Variants in FOXP2 observed in about 807,000 individuals in gnomAD.
FOXP2 encodes forkhead box P2.
A neutral mutation model predicts 115.8 loss-of-function variants in FOXP2; 12 were observed. The ratio of observed to expected loss-of-function variants is 0.10; its 90% confidence interval spans 0.07 to 0.17. FOXP2 has a LOEUF of 0.17. Ranked by LOEUF, FOXP2 falls within the 10% of genes least tolerant of loss-of-function variation. The pLI is 1.00. For missense variants in FOXP2, 629 were observed against 843.5 expected (o/e 0.75, Z 3.15); for synonymous variants, 328 against 297.7 (o/e 1.10, Z -1.05).
chr7:114,122,238 A>C (rs1286335843), intron 1 of FOXP2, among the ~76,000 whole-genome samples: 1 of 152,092 alleles, frequency 6.6e-6, no homozygotes, highest in Admixed American at 6.6e-5. Flanking sequence ...TGAATGCTTC[A>C]GTTGTTTGAA....
chr7:114,190,327 C>T (rs1041296147), intron 1 of FOXP2, among the ~76,000 whole-genome samples: 9 of 152,070 alleles, frequency 5.9e-5, no homozygotes, highest in Non-Finnish European at 1.0e-4. Context: ...GGGCACCATC[C>T]GATTAACTGA....
At chr7:114,498,223 A>G (rs565349055) in intron 2 of FOXP2, among the ~76,000 whole-genome samples, 3 of 152,338 alleles carry the variant, frequency 2.0e-5, no homozygotes, top group Admixed American at 6.5e-5. Flanking sequence ...AAATTTAAAA[A>G]TAACCATCAG....
In FOXP2 at chr7:114,692,172, C is replaced by A. The variant is rs1808703408; in HGVS notation, c.*2246C>A. On this transcript the variant is annotated 3_prime_UTR_variant, in exon 17 of 17. Transcript: ENST00000350908. ...AAAGGAAAAATGGGTCTTTCAGGTG[C>A]ATGTTCAAAAGGCTTTGAGGGACTG... is the stretch of plus-strand genomic sequence containing the variant. 1 of 453,816 alleles carries A rather than the reference C, an allele frequency of 2.2e-6. No individual in the cohort carries two copies. The highest frequency in any genetic ancestry group is 4.4e-6 in the Non-Finnish European group (1 of 226,690). 28.1% of individuals were successfully genotyped at this position (453,816 alleles called of 1,614,324 possible).
intron 2 of FOXP2, among the ~76,000 whole-genome samples, chr7:114,387,517 T>G (rs1792482825): frequency 6.6e-6 from 1 of 152,146 alleles, no homozygotes; most frequent in Non-Finnish European, 1.5e-5. Context: ...ACCTTTTATT[T>G]AGGTTTTTTG....
chr7:114,203,931 C>T (rs1354550994), intron 1 of FOXP2, among the ~76,000 whole-genome samples: 12 of 152,128 alleles, frequency 7.9e-5, no homozygotes, highest in Admixed American at 7.2e-4. Context: ...ATTTAATATA[C>T]TTCTTACTGA....
At chr7:114,479,762 A>G (rs1796441361) in intron 2 of FOXP2, among the ~76,000 whole-genome samples, 1 of 151,562 alleles carries the variant, frequency 6.6e-6, no homozygotes, top group Admixed American at 6.6e-5. Context: ...AATATATAGT[A>G]AATTTTTATT....
chr7:114,509,038 G>T (rs1797951650), intron 2 of FOXP2, among the ~76,000 whole-genome samples: 1 of 152,014 alleles, frequency 6.6e-6, no homozygotes, highest in South Asian at 2.1e-4. Context: ...CTAGACAGAG[G>T]GAACAGTATG....
At chr7:114,102,049 A>C (rs564719207) in intron 1 of FOXP2, among the ~76,000 whole-genome samples, 1 of 151,732 alleles carries the variant, frequency 6.6e-6, no homozygotes, top group Admixed American at 6.6e-5. Flanking sequence ...TCCATACCTA[A>C]ATTAGATCTT....
intron 1 of FOXP2, among the ~76,000 whole-genome samples, chr7:114,094,160 T>A (rs756189072): frequency 6.6e-6 from 1 of 152,190 alleles, no homozygotes. Context: ...CTGTTTTCTT[T>A]CCTTTTTTCA....
intron 3 of FOXP2, among the ~76,000 whole-genome samples, chr7:114,554,345 G>T (rs1319106019): frequency 6.6e-6 from 1 of 152,020 alleles, no homozygotes; most frequent in Non-Finnish European, 1.5e-5. Flanking sequence ...TGTCAAATTG[G>T]TGTGTTTACC....
intron 2 of FOXP2, among the ~76,000 whole-genome samples, chr7:114,351,992 G>T (rs755174651): frequency 5.0e-4 from 76 of 152,106 alleles, no homozygotes; most frequent in Non-Finnish European, 9.9e-4. Flanking sequence ...TTAGAACCAG[G>T]TGCAGTGGCT....
At chr7:114,216,150 C>G (rs747468529) in intron 1 of FOXP2, among the ~76,000 whole-genome samples, 1 of 152,204 alleles carries the variant, frequency 6.6e-6, no homozygotes, top group Non-Finnish European at 1.5e-5. Flanking sequence ...AGACGATTCT[C>G]TGCCCCTCTT....
chr7:114,581,202 G>C (rs1339308017), intron 3 of FOXP2, among the ~76,000 whole-genome samples: 1 of 142,320 alleles, frequency 7.0e-6, no homozygotes, highest in Admixed American at 7.2e-5. Context: ...TATTTATTTT[G>C]AGATGCAGTC....
At chr7:114,590,524 T>G (rs1024321711) in intron 3 of FOXP2, among the ~76,000 whole-genome samples, 3 of 152,162 alleles carry the variant, frequency 2.0e-5, no homozygotes, top group Non-Finnish European at 4.4e-5. Context: ...TTCCCAAGTC[T>G]GCTCCTAGGG....
At chr7:114,347,940 T>C (rs1308372443) in intron 2 of FOXP2, among the ~76,000 whole-genome samples, 1 of 152,118 alleles carries the variant, frequency 6.6e-6, no homozygotes, top group Non-Finnish European at 1.5e-5. Context: ...AATGAAACTC[T>C]AAATGGTAAA....
chr7:114,415,795 G>C (rs1793313967), intron 1 of FOXP2, among the ~76,000 whole-genome samples: 1 of 151,908 alleles, frequency 6.6e-6, no homozygotes, highest in Non-Finnish European at 1.5e-5. Flanking sequence ...TCTGTGCCGT[G>C]CTGTGTAGAG....
At chr7:114,405,093 C>T (rs1033135790) in intron 2 of FOXP2, among the ~76,000 whole-genome samples, 5 of 151,740 alleles carry the variant, frequency 3.3e-5, no homozygotes, top group East Asian at 1.9e-4. Context: ...AGGATGGATT[C>T]GATCAAGTGA....
intron 1 of FOXP2, among the ~76,000 whole-genome samples, chr7:114,210,049 T>C (rs1353856771): frequency 2.6e-5 from 4 of 152,200 alleles, no homozygotes; most frequent in African/African-American, 9.6e-5. Flanking sequence ...TCATGATTCT[T>C]AGCTTCTTTG....
chr7:114,096,127 G>A (rs764020999), intron 1 of FOXP2, among the ~76,000 whole-genome samples: 1 of 152,120 alleles, frequency 6.6e-6, no homozygotes, highest in Non-Finnish European at 1.5e-5. Flanking sequence ...TGAAGTGTGC[G>A]AAGGCGACTT....
Sources: allele counts gnomAD v4.1 joint callset (sites outside exome capture counted in the v4.1 genomes callset), GRCh38; gene constraint gnomAD v4.1.1; transcripts MANE v1.5; gene names NCBI Gene and HGNC (gene_info 2026-07-23, HGNC 2026-07-21).